CSNK2A1: variants seen among roughly 807,000 people sequenced by gnomAD.
CSNK2A1 encodes casein kinase II subunit alpha.
CSNK2A1 carries 10 observed loss-of-function variants against 62.9 expected under a neutral mutation model. The observed-to-expected ratio is 0.16, with a 90% confidence interval of 0.10 to 0.27. The LOEUF is 0.27. Among genes scored for constraint, CSNK2A1 ranks in the 10% least tolerant of loss-of-function variants. The pLI is 1.00. For synonymous variants in CSNK2A1, 124 were observed against 167.8 expected (o/e 0.74, Z 2.02); for missense variants, 160 against 492.0 (o/e 0.33, Z 6.38).
At chr20:516,294 G>A (rs546518750) in intron 2 of CSNK2A1, among the ~76,000 whole-genome samples, 33 of 152,134 alleles carry the variant, frequency 2.2e-4, no homozygotes, top group Non-Finnish European at 4.1e-4. Context: ...CCTTAACACC[G>A]TCAGAATGAC....
intron 13 of CSNK2A1, among the ~76,000 whole-genome samples, chr20:485,107 A>T (rs867226645): frequency 0.076 from 1,328 of 17,490 alleles, 153 homozygotes; most frequent in Middle Eastern, 0.17. Flanking sequence ...AAAAAAAAAA[A>T]AAATATATAT....
chr20:542,492 G>A (rs1258793314), intron 1 of CSNK2A1, among the ~76,000 whole-genome samples: 1 of 152,196 alleles, frequency 6.6e-6, no homozygotes. Context: ...GGAGTGCAGT[G>A]GCGGATCTCA....
intron 8 of CSNK2A1, chr20:492,572 AC>A (rs1242736498): frequency 3.6e-6 from 2 of 555,328 alleles, no homozygotes; most frequent in African/African-American, 3.8e-5. Context: ...ACACAATCTC[AC>A]CTGTGCTTTT....
chr20:525,341 G>A (rs1229022902), intron 2 of CSNK2A1, among the ~76,000 whole-genome samples: 4 of 151,578 alleles, frequency 2.6e-5, no homozygotes, highest in East Asian at 2.0e-4. Context: ...GCGAGACCTC[G>A]CCTCTATAAA....
At chr20:520,432 A>G (rs578247360) in intron 2 of CSNK2A1, among the ~76,000 whole-genome samples, 24 of 152,274 alleles carry the variant, frequency 1.6e-4, no homozygotes, top group Admixed American at 1.2e-3. Flanking sequence ...AACAAGGCCA[A>G]TTAATTTTTG....
At chr20:484,724 G>A (rs1369317624) in intron 13 of CSNK2A1, among the ~76,000 whole-genome samples, 1 of 146,584 alleles carries the variant, frequency 6.8e-6, no homozygotes, top group Non-Finnish European at 1.5e-5. Flanking sequence ...GTGTGTGTGT[G>A]TACACACAGG....
chr20:510,233 C>T (rs139825742), intron 2 of CSNK2A1: 2,107 of 149,060 alleles, frequency 0.014, 42 homozygotes, highest in Non-Finnish European at 0.023. Flanking sequence ...AGTGCAATGG[C>T]GTGATCTTGG....
chr20:538,560 GAACA>G (rs2019382370), intron 1 of CSNK2A1, among the ~76,000 whole-genome samples: 1 of 152,078 alleles, frequency 6.6e-6, no homozygotes, highest in South Asian at 2.1e-4. Flanking sequence ...ATACTTTAAA[GAACA>G]AAAAGAAAAG....
chr20:483,925 C>A lies in CSNK2A1; in HGVS notation c.*36G>T, dbSNP rs775140146. 10 of 1,589,016 alleles carry A rather than the reference C, an allele frequency of 6.3e-6. No homozygotes were observed. Among genetic ancestry groups the A allele is most frequent in the Non-Finnish European group, 8.6e-6 (10 of 1,168,884 alleles). Reference sequence around the variant, plus strand: ...GCATCAAGGAGAGGGTGGACTCCCCCACCTCTGCTCAGGCATCAGGAGACA... The same window carrying A: ...GCATCAAGGAGAGGGTGGACTCCCCAACCTCTGCTCAGGCATCAGGAGACA... On this transcript the variant is annotated 3_prime_UTR_variant, in exon 14 of 14. Transcript: ENST00000217244.
intron 7 of CSNK2A1, among the ~76,000 whole-genome samples, chr20:496,960 C>T (rs1216772097): frequency 6.6e-6 from 1 of 152,102 alleles, no homozygotes; most frequent in Non-Finnish European, 1.5e-5. Flanking sequence ...GAAGCTAGCA[C>T]GTCAGGTGTT....
chr20:535,215 C>A (rs889993061), intron 1 of CSNK2A1, among the ~76,000 whole-genome samples: 7 of 151,768 alleles, frequency 4.6e-5, no homozygotes, highest in Non-Finnish European at 1.0e-4. Flanking sequence ...CAACTACCCA[C>A]AAAGAAAACC....
At chr20:534,690 T>C (rs2019276472) in intron 1 of CSNK2A1, among the ~76,000 whole-genome samples, 1 of 152,106 alleles carries the variant, frequency 6.6e-6, no homozygotes, top group South Asian at 2.1e-4. Flanking sequence ...AGCATATAGG[T>C]AGCTGCAGAT....
chr20:511,903 T>G (rs1229040195), intron 2 of CSNK2A1, among the ~76,000 whole-genome samples: 2 of 152,172 alleles, frequency 1.3e-5, no homozygotes, highest in African/African-American at 4.8e-5. Context: ...ATGTAGTAAT[T>G]CTATGTTAAT....
intron 10 of CSNK2A1, 59 bp from the exon 11 acceptor site, chr20:488,837 A>C (rs1243069089): frequency 6.8e-7 from 1 of 1,463,542 alleles, no homozygotes; most frequent in Non-Finnish European, 9.4e-7. Flanking sequence ...ACAAATCAAC[A>C]ATTAACAATG....
chr20:505,621 C>T (rs1215928959), intron 3 of CSNK2A1, among the ~76,000 whole-genome samples: 3 of 151,306 alleles, frequency 2.0e-5, no homozygotes, highest in African/African-American at 7.3e-5. Context: ...CTCGGCCTCC[C>T]AAAGTGCTGG....
chr20:512,864 G>A (rs1030360627), intron 2 of CSNK2A1, among the ~76,000 whole-genome samples: 4 of 152,120 alleles, frequency 2.6e-5, no homozygotes, highest in African/African-American at 7.2e-5. Flanking sequence ...AGTTAAAACT[G>A]TAAACGCACA....
intron 1 of CSNK2A1, among the ~76,000 whole-genome samples, chr20:535,719 G>A (rs770824817): frequency 1.6e-4 from 22 of 140,942 alleles, no homozygotes; most frequent in Non-Finnish European, 2.7e-4. Flanking sequence ...CAGCTTGGGC[G>A]ACAGAGCAAG....
intron 2 of CSNK2A1, among the ~76,000 whole-genome samples, chr20:510,844 G>A (rs2018704479): frequency 6.6e-6 from 1 of 151,970 alleles, no homozygotes; most frequent in Non-Finnish European, 1.5e-5. Flanking sequence ...TGCCTCCCAA[G>A]TAGTTGGGAC....
rs115517989 is a variant in CSNK2A1, at chr20:491,384, A to T, written c.621+870T>A. Among the ~76,000 whole-genome samples the T allele has an allele frequency of 6.5e-3, 991 of 152,300 alleles. 15 individuals are homozygous for T. Among genetic ancestry groups the T allele is most frequent in the African/African-American group, 0.022 (914 of 41,564 alleles). Reference sequence around the variant, plus strand: ...CTGAAGATTGGTTAAACTTAGTTACAGGATGGGCATGGTGGCTCATGCCTG... The same window carrying T: ...CTGAAGATTGGTTAAACTTAGTTACTGGATGGGCATGGTGGCTCATGCCTG... On this transcript the variant is annotated intron_variant, in intron 9 of 13. Coordinates refer to ENST00000217244, the MANE Select transcript of CSNK2A1 (RefSeq NM_177559.3).
Sources: allele counts gnomAD v4.1 joint callset (sites outside exome capture counted in the v4.1 genomes callset), GRCh38; gene constraint gnomAD v4.1.1; transcripts MANE v1.5; gene names NCBI Gene and HGNC (gene_info 2026-07-23, HGNC 2026-07-21).